Variants in CEP72 observed in about 807,000 individuals in gnomAD.
The protein encoded by CEP72 is centrosomal protein of 72 kDa.
A neutral mutation model predicts 65.7 loss-of-function variants in CEP72; 78 were observed. The ratio of observed to expected loss-of-function variants is 1.19; its 90% CI spans 0.99 to 1.43. CEP72 has a LOEUF of 1.43. Among genes scored for constraint, CEP72 ranks in the 40% most tolerant of loss-of-function variants. The pLI is 0.00. For missense variants in CEP72, 914 were observed against 832.9 expected, an observed-to-expected ratio of 1.10 and a Z score of -1.20; for synonymous variants, 358 against 351.7, an observed-to-expected ratio of 1.02 and a Z score of -0.20.
chr5:629,026 G>GTTCTGGAGAACTCAGGTCACCGT (rs1561038085), intron 4 of CEP72, among the ~76,000 whole-genome samples: 10 of 146,046 alleles, frequency 6.8e-5, no homozygotes, highest in African/African-American at 2.8e-4. Context: ...CAGATCGCAG[G>GTTCTGGAGAACTCAGGTCACCGT]CCCCGGGGAG....
At chr5:647,231 A>G (rs1292908500) in intron 10 of CEP72, among the ~76,000 whole-genome samples, 2 of 152,158 alleles carry the variant, frequency 1.3e-5, no homozygotes. Flanking sequence ...GTGTGTCTAC[A>G]TGTGGGTTTA....
At chr5:620,349 G>A (rs1314148323) in intron 3 of CEP72, 88 bp downstream of exon 3, 9 of 1,136,496 alleles carry the variant, frequency 7.9e-6, no homozygotes, top group South Asian at 4.1e-5. Context: ...TGTGCTCAAC[G>A]TCACATGCTT....
In CEP72 at chr5:666,265, C is replaced by T. The variant is rs567980258; in HGVS notation, n.592+166C>T. On this transcript the variant is annotated intron_variant and non_coding_transcript_variant, in intron 4 of 4. Transcript: ENST00000514507. ...ACAGGCGGCCGCCCTGGTAGCACTG[C>T]AAATCCAAACTGTCTTGGAAGAAAG... The T allele has an allele frequency of 9.3e-5, 83 of 891,228 alleles. No homozygotes were observed. The African/African-American group carries it at 1.2e-3, about 13-fold the overall frequency. 55.2% of individuals were successfully genotyped at this position (891,228 alleles called of 1,614,324 possible). A position where few individuals can be genotyped will look rare whatever the true frequency, so the allele number is the denominator to read the frequency against.
intron 11 of CEP72, among the ~76,000 whole-genome samples, chr5:649,504 T>TGACTGTGAGGTGTG (rs1738770324): frequency 5.4e-5 from 1 of 18,424 alleles, no homozygotes; most frequent in African/African-American, 3.0e-4. Context: ...CTGTGAGGTG[T>TGACTGTGAGGTGTG]GACTGTGAGG....
chr5:620,600 C>T lies in CEP72; in HGVS notation c.403+339C>T, dbSNP rs111718231. On this transcript the variant is annotated intron_variant, in intron 3 of 11. Coordinates refer to ENST00000264935, the MANE Select transcript of CEP72 (RefSeq NM_018140.4). ...CTGAACATCTCCTGTCCTGTTTCCT[C>T]GCATAGCCCCCAGGTATCATCTCAG... is the stretch of plus-strand genomic sequence containing the variant. 4.9e-4 allele frequency among the ~76,000 whole-genome samples: 75 copies of T among 152,322 alleles called. 1 individual carries two copies. Among genetic ancestry groups the T allele is most frequent in the African/African-American group, 1.8e-3 (73 of 41,562 alleles).
chr5:655,078 G>A (rs1266907093), downstream of CEP72, among the ~76,000 whole-genome samples: 1 of 152,104 alleles, frequency 6.6e-6, no homozygotes, highest in Non-Finnish European at 1.5e-5. This position sits in a 1 kb window ranked among gnomAD's most constrained non-coding sequence, Gnocchi z 5.0. Flanking sequence ...AATTCCATTT[G>A]AGGCTAGGCG....
chr5:648,005 G>A, intron 11 of CEP72, 89 bp downstream of exon 11: 1 of 741,592 alleles, frequency 1.3e-6, no homozygotes, highest in Non-Finnish European at 2.3e-6. Flanking sequence ...CACCCAGAAG[G>A]CACAGAGGAG....
At chr5:655,718 T>G (rs937116300), downstream of CEP72, 10 of 152,248 alleles carry the variant, frequency 6.6e-5, no homozygotes, top group African/African-American at 2.2e-4. This position sits in a 1 kb window ranked among gnomAD's most constrained non-coding sequence, Gnocchi z 5.0. Flanking sequence ...TTCTCATGTG[T>G]CTGCGGCTCA....
At chr5:641,771 C>T (rs547839191) in intron 9 of CEP72, 26 of 984,780 alleles carry the variant, frequency 2.6e-5, no homozygotes, top group African/African-American at 1.6e-4. Context: ...TTTAAGCACA[C>T]GTGGTCCCCC....
In CEP72 at chr5:643,218, A is replaced by T. The variant is rs1020497397; in HGVS notation, c.1540-1081A>T. ...AGACTTTGCCTCAAAGAAACAAATG[A>T]AAAAGAGCTGGGAGCTCACAGCCCT... On this transcript the variant is annotated intron_variant, in intron 9 of 11. Coordinates refer to ENST00000264935, the MANE Select transcript of CEP72 (RefSeq NM_018140.4). 5 of 985,306 alleles carry T rather than the reference A, an allele frequency of 5.1e-6. No individual in the cohort carries two copies. In the African/African-American group the frequency reaches 8.7e-5, roughly 17 times the overall value. 61.0% of individuals were successfully genotyped at this position (985,306 alleles called of 1,614,324 possible).
rs543999321 is a variant in CEP72, at chr5:624,839, C to T, written c.512+260C>T. 6.6e-6 allele frequency among the ~76,000 whole-genome samples: 1 copy of T among 152,342 alleles called. No individual in the cohort carries two copies. The highest frequency in any genetic ancestry group is 2.1e-4 in the South Asian group (1 of 4,826). ...TGTGTAAAATCAACTCAGCAAAGGG[C>T]TTGTCCTGTCCCTTTCCCGGGGCTG... On this transcript the variant is annotated intron_variant, in intron 4 of 11. Transcript: ENST00000264935. The surrounding 1 kb of genome is among the most constrained non-coding windows in gnomAD (Gnocchi z 4.7).
intron 2 of CEP72, among the ~76,000 whole-genome samples, chr5:619,823 G>T (rs1239775294): frequency 1.3e-5 from 2 of 152,200 alleles, no homozygotes; most frequent in Non-Finnish European, 2.9e-5. Context: ...GCACGCTGAG[G>T]CCTCGGTAGA....
chr5:644,465 G>A lies in CEP72; in HGVS notation c.1666+40G>A, dbSNP rs747541383. 8 of 1,603,196 alleles carry A rather than the reference G, an allele frequency of 5.0e-6. No homozygotes were observed. In the South Asian group the frequency reaches 7.8e-5, roughly 16 times the overall value. On this transcript the variant is annotated intron_variant, in intron 10 of 11. Transcript: ENST00000264935. Reference sequence around the variant, plus strand: ...TATTTGGTCACTTTGTAAACTTTAGGTGTTCAAATGTGCCTAGGTAGACTT... The same window carrying A: ...TATTTGGTCACTTTGTAAACTTTAGATGTTCAAATGTGCCTAGGTAGACTT...
chr5:649,308 CTG>C (rs1206908958), intron 11 of CEP72, among the ~76,000 whole-genome samples: 4 of 58,034 alleles, frequency 6.9e-5, no homozygotes, highest in African/African-American at 3.9e-4. Flanking sequence ...TGAGGCGTGA[CTG>C]AGGCGTGACT....
chr5:658,871 T>C (rs1362977486), downstream of CEP72, among the ~76,000 whole-genome samples: 2 of 152,100 alleles, frequency 1.3e-5, no homozygotes, highest in Non-Finnish European at 2.9e-5. Context: ...GGTTTCACTG[T>C]GTTAGCCAGG....
intron 5 of CEP72, 51 bp downstream of exon 5, chr5:633,998 T>C: frequency 6.4e-7 from 1 of 1,556,020 alleles, no homozygotes; most frequent in Non-Finnish European, 8.7e-7. Context: ...CTCTGGGATA[T>C]ATATAGTCGT....
exon 3 of CEP72, chr5:665,311 G>A: frequency 1.2e-6 from 2 of 1,606,576 alleles, no homozygotes; most frequent in Admixed American, 1.7e-5. Flanking sequence ...AAGAGGAGCA[G>A]GAGGAAGGGG....
At chr5:674,905 T>TACTGC in the CEP72 span, among the ~76,000 whole-genome samples, 1 of 150,226 alleles carries the variant, frequency 6.7e-6, no homozygotes, top group Non-Finnish European at 1.5e-5. Flanking sequence ...GCAAGGCCTG[T>TACTGC]ACTGCAGAGT....
rs114815741 is a variant in CEP72 at position 664,608 on chromosome 5, C to T, written n.288-572C>T. ...GAAAGCAGGAAGGCCCCGTGGTGTC[C>T]GCTGCACACAGGACAGGCCTCGGGC... On this transcript the variant is annotated intron_variant and non_coding_transcript_variant, in intron 2 of 4. Coordinates refer to the CEP72 transcript ENST00000514507. 434 of 163,174 alleles carry T rather than the reference C, an allele frequency of 2.7e-3. 2 individuals carry two copies. The highest frequency in any genetic ancestry group is 9.9e-3 in the African/African-American group (412 of 41,752). 10.1% of individuals were successfully genotyped at this position (163,174 alleles called of 1,614,324 possible). A position where few individuals can be genotyped will look rare whatever the true frequency, so the allele number is the denominator to read the frequency against.
Sources: gnomAD v4.1 joint callset for allele counts (sites outside exome capture counted in the v4.1 genomes callset) on GRCh38, gnomAD v4.1.1 for gene constraint, Gnocchi (gnomAD v3.1) non-coding constraint, MANE v1.5 for transcripts, NCBI Gene and HGNC (gene_info 2026-07-23, HGNC 2026-07-21) for gene names.